FAM135B: variants seen among roughly 807,000 people sequenced by gnomAD.
The protein encoded by FAM135B is family with sequence similarity 135 member B.
In FAM135B, 43 loss-of-function variants were observed where a neutral mutation model predicts 127.7. The observed-to-expected ratio is 0.34, with a 90% CI of 0.26 to 0.43. The LOEUF (loss-of-function observed/expected upper bound fraction) is 0.43. Among genes scored for constraint, FAM135B ranks in the 20% least tolerant of loss-of-function variants. The pLI, the probability that FAM135B is intolerant of heterozygous loss-of-function variation, is 1.00. For missense variants in FAM135B, 1,558 were observed against 1,725.6 expected (o/e 0.90, Z 1.72); for synonymous variants, 670 against 665.1 (o/e 1.01, Z -0.11).
At chr8:138,304,474 GT>G (rs1377971579) in intron 3 of FAM135B, among the ~76,000 whole-genome samples, 2 of 152,212 alleles carry the variant, frequency 1.3e-5, no homozygotes, top group Admixed American at 1.3e-4. Flanking sequence ...GTTCAGTTGA[GT>G]AACTATTAAT....
chr8:138,251,667 A>C (rs1821704132), intron 5 of FAM135B, among the ~76,000 whole-genome samples: 1 of 152,164 alleles, frequency 6.6e-6, no homozygotes, highest in Non-Finnish European at 1.5e-5. Flanking sequence ...CATGTATCTG[A>C]GTCTAAGAGA....
intron 8 of FAM135B, among the ~76,000 whole-genome samples, chr8:138,196,710 G>A (rs530743539): frequency 6.6e-6 from 1 of 152,264 alleles, no homozygotes; most frequent in African/African-American, 2.4e-5. Context: ...AGCAAGCTGG[G>A]GACTTCGCCT....
intron 13 of FAM135B, among the ~76,000 whole-genome samples, chr8:138,150,638 A>C (rs1367915581): frequency 6.6e-6 from 1 of 152,010 alleles, no homozygotes; most frequent in Non-Finnish European, 1.5e-5. Flanking sequence ...ACTGCACTCC[A>C]GCCTGGCGAC....
At chr8:138,244,043 G>A (rs1267012861) in intron 6 of FAM135B, among the ~76,000 whole-genome samples, 1 of 152,136 alleles carries the variant, frequency 6.6e-6, no homozygotes, top group Non-Finnish European at 1.5e-5. Context: ...TAATCCAAGA[G>A]ATCCAGGTTC....
chr8:138,422,537 C>T (rs1050233419), intron 1 of FAM135B, among the ~76,000 whole-genome samples: 2 of 152,036 alleles, frequency 1.3e-5, no homozygotes, highest in Non-Finnish European at 2.9e-5. Flanking sequence ...TCACTAATCA[C>T]TAGAGAAATT....
intron 1 of FAM135B, among the ~76,000 whole-genome samples, chr8:138,383,253 T>A (rs973753410): frequency 2.6e-5 from 4 of 152,240 alleles, no homozygotes; most frequent in African/African-American, 9.6e-5. Context: ...ACTGAGAGTC[T>A]TTAAAGCCAG....
chr8:138,259,673 C>T (rs571694211), intron 4 of FAM135B, among the ~76,000 whole-genome samples: 1 of 152,150 alleles, frequency 6.6e-6, no homozygotes, highest in Non-Finnish European at 1.5e-5. Flanking sequence ...AGGTTCAAAC[C>T]CTGGCTCTAC....
At position 138,141,284 on chromosome 8, in the gene FAM135B, T is replaced by C. The variant is rs796617075; in HGVS notation, c.3704A>G (p.Tyr1235Cys). The change falls in exon 17 of 20, where the codon TAT becomes TGT. Residue 1235 changes from tyrosine to cysteine, a missense_variant. This residue lies in a region of FAM135B where 194 missense variants were observed against 333.8 expected (regional missense o/e 0.58). Transcript: ENST00000395297. This position sits in a 1 kb window ranked among gnomAD's most constrained non-coding sequence, Gnocchi z 4.7. ...GAACGTGTGGAGTTTGTTGAGGTAA[T>C]ACCGGAACCGGGGCCGTGTGAGGAC... ...RSVLTRPRFR[Y>C]YLNKLHTFLS... 1 of 1,614,108 alleles carries C rather than the reference T, an allele frequency of 6.2e-7. No individual in the cohort carries two copies. The highest frequency in any genetic ancestry group is 8.5e-7 in the Non-Finnish European group (1 of 1,180,028).
intron 9 of FAM135B, among the ~76,000 whole-genome samples, chr8:138,184,340 C>T (rs1195768604): frequency 6.6e-6 from 1 of 152,176 alleles, no homozygotes; most frequent in African/African-American, 2.4e-5. Flanking sequence ...TGCAGGTGAA[C>T]AGGAACTAGC....
chr8:138,206,828 GCATCCTCTCCACCTACACACAGCTCTAT>G (rs753123372), intron 7 of FAM135B, among the ~76,000 whole-genome samples: 5 of 25,582 alleles, frequency 2.0e-4, no homozygotes, highest in South Asian at 1.2e-3. Flanking sequence ...CACAACTCCA[GCATCCTCTCCACCTACACACAGCTCTAT>G]CATCCCCTCC....
chr8:138,407,150 A>C (rs1248015138), intron 1 of FAM135B, among the ~76,000 whole-genome samples: 1 of 150,788 alleles, frequency 6.6e-6, no homozygotes, highest in African/African-American at 2.4e-5. Flanking sequence ...GTGAACTCCC[A>C]TTCACAATTG....
chr8:138,334,660 T>C (rs1828430206), intron 2 of FAM135B, among the ~76,000 whole-genome samples: 1 of 152,218 alleles, frequency 6.6e-6, no homozygotes, highest in Admixed American at 6.5e-5. Flanking sequence ...TTTCTATTCC[T>C]GCATTAGTTT....
intron 1 of FAM135B, among the ~76,000 whole-genome samples, chr8:138,423,226 T>G (rs544161609): frequency 6.6e-6 from 1 of 152,300 alleles, no homozygotes; most frequent in Admixed American, 6.5e-5. Context: ...AGGGGCAACT[T>G]ACCTATGTAA....
chr8:138,359,705 C>A (rs1159413932), intron 2 of FAM135B, among the ~76,000 whole-genome samples: 2 of 152,164 alleles, frequency 1.3e-5, no homozygotes, highest in African/African-American at 4.8e-5. Context: ...CAATTAATCA[C>A]TGGCAAGCAA....
At chr8:138,465,320 G>C (rs908742451) in intron 1 of FAM135B, among the ~76,000 whole-genome samples, 18 of 152,174 alleles carry the variant, frequency 1.2e-4, no homozygotes, top group Non-Finnish European at 2.1e-4. Flanking sequence ...CCTACACTCA[G>C]ATCTCACAGG....
At position 138,151,435 on chromosome 8, in the gene FAM135B, G is replaced by C. The variant is rs1464695728; in HGVS notation, c.3040C>G (p.Leu1014Val). ...KAGTSIMGSH[L>V]TSAETFTLDS... is the part of the protein sequence containing the mutation. ...AGAGTAAAGGTCTCTGCAGAAGTCA[G>C]ATGGGACCCCATGATGGAAGTGCCT... Residue 1014 changes from leucine to valine, a missense_variant, in exon 13 of 20, where the codon CTG becomes GTG. Around this residue, in one of 5 missense-constraint regions of FAM135B, gnomAD observed 923 missense variants for 865.3 expected, o/e 1.07. Transcript: ENST00000395297. The C allele has an allele frequency of 2.5e-6, 4 of 1,614,124 alleles. No individual in the cohort carries two copies. Among genetic ancestry groups the C allele is most frequent in the Non-Finnish European group, 3.4e-6 (4 of 1,180,052 alleles).
intron 2 of FAM135B, among the ~76,000 whole-genome samples, chr8:138,331,332 T>C (rs1216809793): frequency 6.6e-6 from 1 of 152,244 alleles, no homozygotes; most frequent in Non-Finnish European, 1.5e-5. Flanking sequence ...TTATCAATAA[T>C]GTGTAAACCC....
chr8:138,249,128 G>A (rs1821516479), intron 6 of FAM135B, among the ~76,000 whole-genome samples: 1 of 152,262 alleles, frequency 6.6e-6, no homozygotes, highest in Non-Finnish European at 1.5e-5. Flanking sequence ...GACCTTACTA[G>A]CCTCACCTCG....
chr8:138,468,955 G>C (rs1373787041), intron 1 of FAM135B, among the ~76,000 whole-genome samples: 1 of 152,108 alleles, frequency 6.6e-6, no homozygotes, highest in African/African-American at 2.4e-5. Context: ...TGAGGCAGGA[G>C]AATTGCTTGA....
Sources: gnomAD v4.1 joint callset for allele counts (sites outside exome capture counted in the v4.1 genomes callset) on GRCh38, gnomAD v4.1.1 for gene constraint, gnomAD v4.1.1 regional missense constraint, Gnocchi (gnomAD v3.1) non-coding constraint, MANE v1.5 for transcripts, NCBI Gene and HGNC (gene_info 2026-07-23, HGNC 2026-07-21) for gene names.